DPP6: variants seen among roughly 807,000 people sequenced by gnomAD.
DPP6 encodes the protein A-type potassium channel modulatory protein DPP6.
In DPP6, 69 loss-of-function variants were observed where a neutral mutation model predicts 122.6. The ratio of observed to expected loss-of-function variants is 0.56; its 90% CI spans 0.46 to 0.69. The LOEUF (loss-of-function observed/expected upper bound fraction) is 0.69, where lower values mean the gene tolerates loss of function less well. DPP6 is among the 30% of genes least tolerant of loss of function. The probability of loss-of-function intolerance (pLI) is 0.00; values close to 1 mark genes in which losing one functional copy is unlikely to be tolerated. For missense variants in DPP6, 928 were observed against 1,116.9 expected (o/e 0.83, Z 2.41); for synonymous variants, 418 against 433.1 (o/e 0.97, Z 0.43).
At chr7:154,374,557 C>T (rs887171828) in intron 1 of DPP6, among the ~76,000 whole-genome samples, 4 of 151,816 alleles carry the variant, frequency 2.6e-5, no homozygotes, top group African/African-American at 9.6e-5. Flanking sequence ...AATGGGCTGA[C>T]ATTATAGGTT....
At chr7:154,528,624 A>G (rs1187022033) in intron 3 of DPP6, among the ~76,000 whole-genome samples, 2 of 152,248 alleles carry the variant, frequency 1.3e-5, no homozygotes, top group Non-Finnish European at 2.9e-5. Context: ...AAAATCAGGA[A>G]GCTGTGGCCT....
At chr7:154,354,891 G>A (rs1034511694) in intron 1 of DPP6, among the ~76,000 whole-genome samples, 1 of 152,224 alleles carries the variant, frequency 6.6e-6, no homozygotes, top group East Asian at 1.9e-4. Flanking sequence ...ATGGTTGTGA[G>A]CTATGAACAT....
intron 12 of DPP6, among the ~76,000 whole-genome samples, chr7:154,800,179 C>T (rs1252851726): frequency 6.6e-6 from 1 of 152,160 alleles, no homozygotes; most frequent in Admixed American, 6.5e-5. Flanking sequence ...ACCATGCTTC[C>T]AACTCTAAAT....
Position 154,875,860 on chromosome 7 carries a change from C to A in DPP6, c.1884-46C>A. 1 of 1,571,322 alleles carries A rather than the reference C, an allele frequency of 6.4e-7. No individual in the cohort carries two copies. On this transcript the variant is annotated intron_variant, in intron 19 of 25. Transcript: ENST00000377770. This position sits in a 1 kb window ranked among gnomAD's most constrained non-coding sequence, Gnocchi z 4.5. ...ACGTGGCAGCTGCTAGACCAGCCGCCACCCACCACGCAGCAGGCCTGCTGA... is the reference window on the plus strand; with the variant it reads ...ACGTGGCAGCTGCTAGACCAGCCGCAACCCACCACGCAGCAGGCCTGCTGA...
chr7:154,251,241 G>T (rs1041684346), intron 1 of DPP6, among the ~76,000 whole-genome samples: 1 of 152,156 alleles, frequency 6.6e-6, no homozygotes, highest in Non-Finnish European at 1.5e-5. Context: ...GATGTTTCAC[G>T]GGAGCTACTT....
chr7:154,663,399 A>G (rs1272347853), intron 6 of DPP6, among the ~76,000 whole-genome samples: 9 of 29,726 alleles, frequency 3.0e-4, no homozygotes, highest in Non-Finnish European at 5.0e-4. Context: ...TGGCGCTAGT[A>G]TTCATATAGT....
intron 1 of DPP6, among the ~76,000 whole-genome samples, chr7:153,998,167 G>C (rs1170941868): frequency 6.6e-6 from 1 of 151,992 alleles, no homozygotes; most frequent in Admixed American, 6.6e-5. Flanking sequence ...GCTTCACAAA[G>C]ACGTATCTCT....
intron 5 of DPP6, among the ~76,000 whole-genome samples, chr7:154,623,917 A>G (rs1484819284): frequency 6.6e-6 from 1 of 152,234 alleles, no homozygotes; most frequent in Non-Finnish European, 1.5e-5. Flanking sequence ...TCAAAACTAT[A>G]TAGAGGGCTG....
intron 16 of DPP6, among the ~76,000 whole-genome samples, chr7:154,807,549 G>A (rs902672008): frequency 1.3e-5 from 2 of 152,294 alleles, no homozygotes; most frequent in Non-Finnish European, 2.9e-5. Flanking sequence ...CACCAGGCAC[G>A]GTGGCTCACG....
At position 154,704,291 on chromosome 7, in the gene DPP6, T is replaced by C. The variant is rs188717823; in HGVS notation, c.763-23476T>C. 1.8e-4 allele frequency among the ~76,000 whole-genome samples: 27 copies of C among 152,354 alleles called. No homozygotes were observed. The East Asian group carries it at 4.6e-3, about 26-fold the overall frequency. Reference sequence around the variant, plus strand: ...ACTTGAATGGGTGAGAAGTTGCTTCTAGGAACGAGCAAAGAAAGTGTTTCT... The same window carrying C: ...ACTTGAATGGGTGAGAAGTTGCTTCCAGGAACGAGCAAAGAAAGTGTTTCT... On this transcript the variant is annotated intron_variant, in intron 7 of 25. Transcript: ENST00000377770.
At chr7:153,788,317 C>T in the DPP6 span, among the ~76,000 whole-genome samples, 9 of 152,196 alleles carry the variant, frequency 5.9e-5, no homozygotes, top group Non-Finnish European at 1.0e-4. Flanking sequence ...TAGTCTGCTG[C>T]TGCCAACTGA....
Position 154,282,002 on chromosome 7 carries a change from C to G in DPP6, c.244-164212C>G, listed in dbSNP as rs937957940. Among the ~76,000 whole-genome samples, 3 of 152,114 alleles carry G rather than the reference C, an allele frequency of 2.0e-5. No individual in the cohort carries two copies. Among genetic ancestry groups the G allele is most frequent in the Non-Finnish European group, 4.4e-5 (3 of 68,034 alleles). On this transcript the variant is annotated intron_variant, in intron 1 of 25. Transcript: ENST00000377770. The surrounding 1 kb of genome is among the most constrained non-coding windows in gnomAD (Gnocchi z 4.8). ...ATTTGAGACATGGGTCTTTGTGACTCTAGCTTAGTGACTTAACCTTTCAAC... is the reference window on the plus strand; with the variant it reads ...ATTTGAGACATGGGTCTTTGTGACTGTAGCTTAGTGACTTAACCTTTCAAC...
At chr7:154,532,512 A>C (rs1343285208) in intron 3 of DPP6, among the ~76,000 whole-genome samples, 1 of 152,270 alleles carries the variant, frequency 6.6e-6, no homozygotes, top group Admixed American at 6.5e-5. Context: ...TCTGAAGTAG[A>C]ATACAGAAAT....
intron 5 of DPP6, among the ~76,000 whole-genome samples, chr7:154,636,996 A>G (rs1835766951): frequency 6.6e-6 from 1 of 152,214 alleles, no homozygotes; most frequent in South Asian, 2.1e-4. Context: ...GTTCAACGCA[A>G]CAGAGTAACC....
intron 1 of DPP6, among the ~76,000 whole-genome samples, chr7:154,287,103 T>A (rs1585834965): frequency 1.3e-5 from 2 of 152,230 alleles, no homozygotes; most frequent in East Asian, 3.9e-4. Context: ...GCCTGGCCTA[T>A]GCCTGTGATT....
intron 1 of DPP6, among the ~76,000 whole-genome samples, chr7:154,372,165 T>A (rs1812730836): frequency 6.6e-6 from 1 of 152,144 alleles, no homozygotes; most frequent in Non-Finnish European, 1.5e-5. Flanking sequence ...TTTCATGTTG[T>A]CGGATCACAT....
chr7:154,241,217 G>GTA lies in DPP6; in HGVS notation c.243+188155_243+188156insAT, dbSNP rs1563356969. 6.9e-6 allele frequency among the ~76,000 whole-genome samples: 1 copy of GTA among 143,968 alleles called. No homozygotes were observed. The highest frequency in any genetic ancestry group is 2.9e-5 in the African/African-American group (1 of 34,118). The allele number at this position is 143,968 out of a possible 152,430, so 94.4% of individuals were successfully genotyped here. On this transcript the variant is annotated intron_variant, in intron 1 of 25. Transcript: ENST00000377770. The surrounding 1 kb of genome is among the most constrained non-coding windows in gnomAD (Gnocchi z 9.0). ...TGTGTGTGTGTGTGTGTGTGTGTGT[G>GTA]TGTATATATATATAGAGAGAGAGAG...
chr7:154,497,282 G>A (rs1053663345), intron 3 of DPP6, among the ~76,000 whole-genome samples: 1 of 152,104 alleles, frequency 6.6e-6, no homozygotes, highest in Non-Finnish European at 1.5e-5. Flanking sequence ...AGGAAGGTGA[G>A]AAGAAGGGAG....
rs546811725 is a variant in DPP6, at chr7:154,709,762, T to C, written c.763-18005T>C. On this transcript the variant is annotated intron_variant, in intron 7 of 25. Transcript: ENST00000377770. ...CTTTACCCAGCCCCATCTTTGTTGT[T>C]GGTATATCTCTCTCGCTTCTTCTTA... Among the ~76,000 whole-genome samples the C allele has an allele frequency of 2.6e-5, 4 of 152,292 alleles. No individual in the cohort carries two copies. In the East Asian group the frequency reaches 7.7e-4, roughly 29 times the overall value.
Sources: allele counts gnomAD v4.1 joint callset (sites outside exome capture counted in the v4.1 genomes callset), GRCh38; gene constraint gnomAD v4.1.1; non-coding constraint Gnocchi (gnomAD v3.1); transcripts MANE v1.5; gene names NCBI Gene and HGNC (gene_info 2026-07-23, HGNC 2026-07-21).